The following DNAH10 variants were observed in gnomAD, a reference collection of about 807,000 sequenced individuals.
The protein encoded by DNAH10 is dynein axonemal heavy chain 10.
In DNAH10, 348 loss-of-function variants were observed where a neutral mutation model predicts 506.6. The observed-to-expected ratio is 0.69, with a 90% CI of 0.63 to 0.75. The LOEUF (loss-of-function observed/expected upper bound fraction) is 0.75, where lower values mean the gene tolerates loss of function less well. DNAH10 is among the 30% of genes least tolerant of loss of function. The probability of loss-of-function intolerance (pLI) is 0.00; values close to 1 mark genes in which losing one functional copy is unlikely to be tolerated. For synonymous variants in DNAH10, 2,059 were observed against 2,198.6 expected (o/e 0.94, Z 1.78); for missense variants, 5,179 against 5,787.1 (o/e 0.89, Z 3.41).
chr12:123,897,815 A>C lies in DNAH10; in HGVS notation c.9326A>C (p.Lys3109Thr), dbSNP rs755669997. 2 of 1,610,900 alleles carry C rather than the reference A, an allele frequency of 1.2e-6. No individual in the cohort carries two copies. The highest frequency in any genetic ancestry group is 3.4e-5 in the Admixed American group (2 of 59,182). Reference protein sequence around the residue: ...IPAENIENVVKHVVLVHQSVD... With the variant: ...IPAENIENVVTHVVLVHQSVD... ...GCAGAAAATATAGAAAATGTGGTGAAGCATGTTGTCTTGGTTCACCAATCC... is the reference window on the plus strand; with the variant it reads ...GCAGAAAATATAGAAAATGTGGTGACGCATGTTGTCTTGGTTCACCAATCC... Residue 3109 changes from lysine to threonine, a missense_variant, in exon 55 of 79, where the codon AAG becomes ACG. Around this residue, in one of 3 missense-constraint regions of DNAH10, gnomAD observed 4,844 missense variants for 5,430.5 expected, o/e 0.89. Transcript: ENST00000673944.
chr12:123,892,263 C>G (rs964698078), intron 52 of DNAH10, among the ~76,000 whole-genome samples: 1 of 152,190 alleles, frequency 6.6e-6, no homozygotes, highest in Non-Finnish European at 1.5e-5. Context: ...CCTCAGGAAA[C>G]TTACAGTCAT....
In DNAH10 at chr12:123,845,848, T is replaced by C. The variant is rs1409564069; in HGVS notation, c.5609T>C (p.Val1870Ala). ...LIIDVHARDIVDSFIRGSILE... is the reference protein window; with the variant it reads ...LIIDVHARDIADSFIRGSILE... ...ATTGATGTGCATGCCAGAGACATAG[T>C]TGATTCTTTCATAAGAGGCAGGTGA... The change falls in exon 31 of 79, where the codon GTT becomes GCT. Residue 1870 changes from valine (V) to alanine (A), a missense_variant. Physicochemically the swap from Val to Ala is moderately conservative, Grantham distance 64. Coordinates refer to ENST00000673944, the MANE Select transcript of DNAH10 (RefSeq NM_001372106.1). 14 of 1,613,822 alleles carry C rather than the reference T, an allele frequency of 8.7e-6. No homozygotes were observed. The East Asian group carries it at 3.1e-4, about 36-fold the overall frequency.
chr12:123,765,559 ATACTTTATCTATC>A (rs766450830), intron 1 of DNAH10, among the ~76,000 whole-genome samples: 134 of 72,310 alleles, frequency 1.9e-3, no homozygotes, highest in African/African-American at 9.8e-3. Context: ...GCATCTATCT[ATACTTTATCTATC>A]TATCTATCTA....
chr12:123,802,922 T>A (rs1437113001), intron 16 of DNAH10, among the ~76,000 whole-genome samples: 2 of 152,082 alleles, frequency 1.3e-5, no homozygotes, highest in Non-Finnish European at 2.9e-5. Flanking sequence ...AATTAGATTG[T>A]TTGTTTTCTT....
chr12:123,923,845 A>G lies in DNAH10; in HGVS notation c.11589A>G (p.Glu3863=). The G allele has an allele frequency of 3.7e-6, 6 of 1,610,568 alleles. No homozygotes were observed. The highest frequency in any genetic ancestry group is 5.1e-6 in the Non-Finnish European group (6 of 1,178,928). ...IEQAEGRVPQ[E]ELDFFLKGNI... ...AAGCAGAAGGGAGAGTCCCTCAAGA[A>G]GAACTAGATTTCTTTTTAAAAGGTA... Residue 3863 remains glutamate, a synonymous_variant, in exon 66 of 79, where the codon GAA becomes GAG. Coordinates refer to ENST00000673944, the MANE Select transcript of DNAH10 (RefSeq NM_001372106.1).
intron 60 of DNAH10, 65 bp from the exon 61 acceptor site, chr12:123,914,264 G>T: frequency 6.8e-7 from 1 of 1,470,404 alleles, no homozygotes; most frequent in Non-Finnish European, 9.3e-7. Flanking sequence ...GGTTCTTCTG[G>T]AATGTTCCTT....
intron 41 of DNAH10, among the ~76,000 whole-genome samples, chr12:123,866,932 G>A (rs1951835596): frequency 1.3e-5 from 2 of 152,216 alleles, no homozygotes; most frequent in Non-Finnish European, 2.9e-5. Context: ...TGTTCTGGGT[G>A]TGTCTCTAGT....
intron 40 of DNAH10, among the ~76,000 whole-genome samples, chr12:123,864,966 A>G (rs1224376869): frequency 6.6e-6 from 1 of 152,232 alleles, no homozygotes; most frequent in Non-Finnish European, 1.5e-5. Context: ...GTCTATAAGT[A>G]ACAGGCTTAG....
At chr12:123,764,494 A>T (rs1312408593) in intron 1 of DNAH10, among the ~76,000 whole-genome samples, 1 of 151,554 alleles carries the variant, frequency 6.6e-6, no homozygotes, top group Non-Finnish European at 1.5e-5. Flanking sequence ...CGTTTACATT[A>T]AAAAAAAATT....
chr12:123,915,135 G>A (rs1248851013), intron 62 of DNAH10, 136 bp downstream of exon 62: 13 of 1,255,090 alleles, frequency 1.0e-5, no homozygotes, highest in East Asian at 5.4e-5. Context: ...ACCCCCATGC[G>A]GAGCCCTCCC....
intron 36 of DNAH10, among the ~76,000 whole-genome samples, chr12:123,856,386 G>A (rs550518546): frequency 6.6e-6 from 1 of 150,534 alleles, no homozygotes; most frequent in South Asian, 2.1e-4. Context: ...GTCACGCCAG[G>A]AGTACGATGG....
Position 123,813,907 on chromosome 12 carries a change from C to G in DNAH10, c.3775C>G (p.Leu1259Val), listed in dbSNP as rs756368278. ...ERYRTMAMYN[L>V]FPPDAEKELV... is the part of the protein sequence containing the mutation. Reference sequence around the variant, plus strand: ...ATACCGTACCATGGCAATGTATAACCTCTTTGTAAGTCAACTTGTATTTTC... The same window carrying G: ...ATACCGTACCATGGCAATGTATAACGTCTTTGTAAGTCAACTTGTATTTTC... The change falls in exon 21 of 79, where the codon CTC becomes GTC. Residue 1259 changes from leucine to valine, a missense_variant. This residue lies in a region of DNAH10 where 4,844 missense variants were observed against 5,430.5 expected (regional missense o/e 0.89). Transcript: ENST00000673944. 2 of 1,578,672 alleles carry G rather than the reference C, an allele frequency of 1.3e-6. No individual in the cohort carries two copies. Among genetic ancestry groups the G allele is most frequent in the Non-Finnish European group, 1.7e-6 (2 of 1,169,512 alleles).
intron 11 of DNAH10, among the ~76,000 whole-genome samples, chr12:123,793,378 G>A (rs185705154): frequency 1.7e-4 from 17 of 99,420 alleles, no homozygotes; most frequent in Admixed American, 5.8e-4. Flanking sequence ...TCGCTCTGTC[G>A]CCCAGGCTGG....
intron 77 of DNAH10, 82 bp from the exon 78 acceptor site, chr12:123,934,539 G>T (rs562253031): frequency 6.4e-7 from 1 of 1,551,950 alleles, no homozygotes; most frequent in East Asian, 2.3e-5. Context: ...CCTGTGTGTC[G>T]CTGTGTGTGC....
At chr12:123,899,398 C>T (rs1301334887) in intron 56 of DNAH10, among the ~76,000 whole-genome samples, 2 of 152,142 alleles carry the variant, frequency 1.3e-5, no homozygotes, top group Non-Finnish European at 2.9e-5. Flanking sequence ...GTACCCTCCC[C>T]AGCTTGTTCC....
Position 123,934,646 on chromosome 12 carries a change from G to GGAAGGTGCT in DNAH10, c.13506_13514dup (p.Glu4502_Ala4504dup). On this transcript the variant is annotated inframe_insertion, in exon 78 of 79. Transcript: ENST00000673944. Reference sequence around the variant, plus strand: ...GATGCTTTGTCTCAGGACTGTACCTGGAAGGTGCTGACTGGGATATAGAAA... The same window carrying GGAAGGTGCT: ...GATGCTTTGTCTCAGGACTGTACCTGGAAGGTGCTGAAGGTGCTGACTGGGATATAGAAA... 6.2e-7 allele frequency: 1 copy of GGAAGGTGCT among 1,613,698 alleles called. No homozygotes were observed. Among genetic ancestry groups the GGAAGGTGCT allele is most frequent in the Non-Finnish European group, 8.5e-7 (1 of 1,179,774 alleles).
intron 18 of DNAH10, 100 bp from the exon 19 acceptor site, chr12:123,808,697 G>A (rs1958809258): frequency 3.1e-6 from 4 of 1,287,754 alleles, no homozygotes; most frequent in East Asian, 2.3e-5. Context: ...GCCATTGCCT[G>A]TACCTGTGAT....
intron 41 of DNAH10, 34 bp from the exon 42 acceptor site, chr12:123,867,433 C>G (rs371877214): frequency 6.3e-7 from 1 of 1,595,168 alleles, no homozygotes; most frequent in Admixed American, 1.7e-5. Flanking sequence ...ATAAACAAAC[C>G]CTTGAAATGC....
At chr12:123,867,677 G>A (rs1179622515) in intron 42 of DNAH10, 76 bp downstream of exon 42, 4 of 1,581,742 alleles carry the variant, frequency 2.5e-6, no homozygotes, top group African/African-American at 1.3e-5. Context: ...TTTAAAGGGA[G>A]TGAAGATGCC....
Sources: gnomAD v4.1 joint callset for allele counts (sites outside exome capture counted in the v4.1 genomes callset) on GRCh38, gnomAD v4.1.1 for gene constraint, gnomAD v4.1.1 regional missense constraint, MANE v1.5 for transcripts, NCBI Gene and HGNC (gene_info 2026-07-23, HGNC 2026-07-21) for gene names.